Variants in NTM observed in about 807,000 individuals in gnomAD.
The protein encoded by NTM is IgLON family member 2.
A neutral mutation model predicts 42.1 loss-of-function variants in NTM; 13 were observed. The ratio of observed to expected loss-of-function variants is 0.31; its 90% CI spans 0.20 to 0.49. NTM has a LOEUF of 0.49. NTM is among the 20% of genes least tolerant of loss of function. The probability of loss-of-function intolerance (pLI) is 0.99; values close to 1 mark genes in which losing one functional copy is unlikely to be tolerated. For synonymous variants in NTM, 187 were observed against 179.2 expected (o/e 1.04, Z -0.35); for missense variants, 373 against 452.8 (o/e 0.82, Z 1.60).
rs543888027 is a variant in NTM, at chr11:131,791,137, A to G, written c.83-120427A>G. Among the ~76,000 whole-genome samples the G allele has an allele frequency of 6.6e-5, 10 of 152,340 alleles. No individual in the cohort carries two copies. In the East Asian group the frequency reaches 1.4e-3, roughly 21 times the overall value. On this transcript the variant is annotated intron_variant, in intron 1 of 8. Transcript: ENST00000683400. ...CTAAGGCTTTGTCTCTCCAAGTCCA[A>G]TGATTTTTGCATAATCATTTTAACA...
At chr11:131,566,838 G>T (rs752842016) in intron 1 of NTM, among the ~76,000 whole-genome samples, 4 of 152,168 alleles carry the variant, frequency 2.6e-5, no homozygotes, top group Non-Finnish European at 5.9e-5. Flanking sequence ...ATAGCCTGCA[G>T]CCTCTTGTTT....
chr11:131,589,989 A>T (rs1208999855), intron 1 of NTM, among the ~76,000 whole-genome samples: 1 of 152,256 alleles, frequency 6.6e-6, no homozygotes, highest in Non-Finnish European at 1.5e-5. Flanking sequence ...GATCCTCCTA[A>T]ATGCAGATAT....
At chr11:131,860,512 A>G (rs1805152612) in intron 1 of NTM, among the ~76,000 whole-genome samples, 1 of 152,234 alleles carries the variant, frequency 6.6e-6, no homozygotes, top group Non-Finnish European at 1.5e-5. Context: ...GACGCTGGTC[A>G]TATCGTCACC....
intron 4 of NTM, among the ~76,000 whole-genome samples, chr11:132,246,104 A>G (rs1419856980): frequency 3.9e-5 from 6 of 152,144 alleles, no homozygotes; most frequent in Non-Finnish European, 8.8e-5. Context: ...CAGCCTCCTT[A>G]GCAGCACTGA....
intron 2 of NTM, among the ~76,000 whole-genome samples, chr11:131,976,568 T>C (rs1056596221): frequency 6.6e-6 from 1 of 152,184 alleles, no homozygotes; most frequent in African/African-American, 2.4e-5. Flanking sequence ...TTTAGAAGAA[T>C]GTTTCAGTGT....
chr11:132,213,190 G>A (rs1226893181), intron 4 of NTM, among the ~76,000 whole-genome samples: 2 of 152,146 alleles, frequency 1.3e-5, no homozygotes, highest in Non-Finnish European at 2.9e-5. Context: ...ATGGATGAAG[G>A]TGTGTGATTG....
chr11:131,826,540 G>A (rs573564744), intron 1 of NTM, among the ~76,000 whole-genome samples: 61 of 147,324 alleles, frequency 4.1e-4, no homozygotes, highest in African/African-American at 1.4e-3. Context: ...AGTCAGCTAC[G>A]TCGAGGGATT....
At chr11:131,873,639 A>ATATATATATACAC (rs2048111584) in intron 1 of NTM, among the ~76,000 whole-genome samples, 31 of 122,970 alleles carry the variant, frequency 2.5e-4, no homozygotes, top group African/African-American at 7.2e-4. Flanking sequence ...ATATATACAC[A>ATATATATATACAC]TATATATATA....
chr11:132,246,876 C>G (rs3133874), intron 4 of NTM, among the ~76,000 whole-genome samples: 1 of 152,016 alleles, frequency 6.6e-6, no homozygotes, highest in Admixed American at 6.5e-5. Context: ...GGCAAGAGCC[C>G]GGCCACCCTC....
intron 1 of NTM, among the ~76,000 whole-genome samples, chr11:131,437,135 T>A (rs574607742): frequency 6.6e-6 from 1 of 152,356 alleles, no homozygotes; most frequent in African/African-American, 2.4e-5. Flanking sequence ...TTGATTGCAC[T>A]GTGGTCTGAG....
chr11:131,620,536 C>T (rs1451152654), intron 1 of NTM, among the ~76,000 whole-genome samples: 1 of 152,220 alleles, frequency 6.6e-6, no homozygotes, highest in African/African-American at 2.4e-5. Flanking sequence ...CCTCCCCTTG[C>T]TCACTCAGCC....
At chr11:131,998,154 A>G (rs2068438774) in intron 2 of NTM, among the ~76,000 whole-genome samples, 1 of 152,076 alleles carries the variant, frequency 6.6e-6, no homozygotes, top group South Asian at 2.1e-4. Flanking sequence ...CGGGGTCATA[A>G]AAGTCCTGAC....
intron 3 of NTM, among the ~76,000 whole-genome samples, chr11:132,165,172 G>A (rs2075072014): frequency 6.6e-6 from 1 of 152,112 alleles, no homozygotes; most frequent in South Asian, 2.1e-4. Flanking sequence ...CCTCTCAAAA[G>A]TGGCACAATG....
At chr11:131,710,509 T>C (rs548679666) in intron 1 of NTM, among the ~76,000 whole-genome samples, 2 of 152,254 alleles carry the variant, frequency 1.3e-5, no homozygotes, top group South Asian at 4.2e-4. Flanking sequence ...AATCTTATTA[T>C]TGGTTTCGAT....
intron 4 of NTM, among the ~76,000 whole-genome samples, chr11:132,297,209 C>G (rs2094644719): frequency 1.3e-5 from 2 of 152,204 alleles, no homozygotes; most frequent in African/African-American, 4.8e-5. Flanking sequence ...CTCCCAGAAT[C>G]TGATCTGAAT....
Position 131,822,196 on chromosome 11 carries a change from C to T in NTM, c.83-89368C>T, listed in dbSNP as rs1328699230. Reference sequence around the variant, plus strand: ...TCACCCCGTTTAATTACCCCTCTGTCTTTGTTTCCATCTTTATCCACTCCC... The same window carrying T: ...TCACCCCGTTTAATTACCCCTCTGTTTTTGTTTCCATCTTTATCCACTCCC... On this transcript the variant is annotated intron_variant, in intron 1 of 8. Transcript: ENST00000683400. Among the ~76,000 whole-genome samples the T allele has an allele frequency of 2.0e-5, 3 of 152,120 alleles. No homozygotes were observed. In the East Asian group the frequency reaches 5.8e-4, roughly 29 times the overall value.
chr11:132,163,867 C>A (rs140269791), intron 3 of NTM, among the ~76,000 whole-genome samples: 1 of 152,112 alleles, frequency 6.6e-6, no homozygotes, highest in Non-Finnish European at 1.5e-5. Context: ...ACTCAGTTTA[C>A]TGGGGGTAAG....
At chr11:131,959,366 A>C (rs891089820) in intron 2 of NTM, among the ~76,000 whole-genome samples, 1 of 152,132 alleles carries the variant, frequency 6.6e-6, no homozygotes. Context: ...AGTTGCTCAC[A>C]CCTGTAATTC....
At chr11:131,840,670 T>C (rs1194512517) in intron 1 of NTM, among the ~76,000 whole-genome samples, 1 of 152,164 alleles carries the variant, frequency 6.6e-6, no homozygotes, top group Non-Finnish European at 1.5e-5. Flanking sequence ...TGAAATGACC[T>C]AAAAATGAAG....
Sources: gnomAD v4.1 joint callset for allele counts (sites outside exome capture counted in the v4.1 genomes callset) on GRCh38, gnomAD v4.1.1 for gene constraint, MANE v1.5 for transcripts, NCBI Gene and HGNC (gene_info 2026-07-23, HGNC 2026-07-21) for gene names.